MACF1: variants seen among roughly 807,000 people sequenced by gnomAD.
The protein encoded by MACF1 is microtubule actin crosslinking factor 1, also known as microtubule-actin cross-linking factor 1.
Under a neutral mutation model 854.8 loss-of-function variants are expected in MACF1, and 193 were observed. The ratio of observed to expected loss-of-function variants is 0.23; its 90% CI spans 0.20 to 0.25. MACF1 has a LOEUF of 0.25. MACF1 is among the 10% of genes least tolerant of loss of function. MACF1 has a pLI of 1.00. For synonymous variants in MACF1, 3,185 were observed against 3,226.7 expected (o/e 0.99, Z 0.44); for missense variants, 7,722 against 8,929.1 (o/e 0.86, Z 5.45).
intron 85 of MACF1, 122 bp downstream of exon 85, chr1:39,451,333 G>A: frequency 9.8e-7 from 1 of 1,018,132 alleles, no homozygotes; most frequent in Non-Finnish European, 1.4e-6. Context: ...CCTGACAGTT[G>A]CTTTGTGTGT....
At chr1:39,481,747 C>T (rs1055723015) in intron 99 of MACF1, among the ~76,000 whole-genome samples, 1 of 152,162 alleles carries the variant, frequency 6.6e-6, no homozygotes, top group African/African-American at 2.4e-5. Flanking sequence ...GATAGTAGTG[C>T]AGTTTGCATT....
In MACF1 at chr1:39,422,871, G is replaced by C; in HGVS notation, c.16120G>C (p.Val5374Leu). The C allele has an allele frequency of 1.2e-6, 2 of 1,614,208 alleles. No homozygotes were observed. The highest frequency in any genetic ancestry group is 1.3e-5 in the African/African-American group (1 of 75,048). Residue 5374 changes from valine to leucine, a missense_variant, in exon 60 of 101, where the codon GTG becomes CTG. Physicochemically the swap from Val to Leu is conservative, Grantham distance 32 (BLOSUM62 1). Around this residue, in one of 15 missense-constraint regions of MACF1, gnomAD observed 2,807 missense variants for 3,235.8 expected, o/e 0.87. Transcript: ENST00000564288. ...NQKPPSAEYK[V>L]VKAQIQEQKL... ...GAAACCTCCATCTGCTGAGTATAAA[G>C]TGGTGAAAGCACAGATCCAAGAACA...
rs35312351 is a variant in MACF1, at chr1:39,337,562, A to ATTTTTTT, written c.10215+246_10215+252dup. Among the ~76,000 whole-genome samples, 30 of 100,148 alleles carry ATTTTTTT rather than the reference A, an allele frequency of 3.0e-4. 2 individuals carry two copies. The highest frequency in any genetic ancestry group is 7.2e-4 in the South Asian group (2 of 2,768). The allele number at this position is 100,148 out of a possible 152,430, so 65.7% of individuals were successfully genotyped here. A position where few individuals can be genotyped will look rare whatever the true frequency, so the allele number is the denominator to read the frequency against. On this transcript the variant is annotated intron_variant, in intron 38 of 100. Transcript: ENST00000564288. ...TTTGGCTATCAATGTAATTACTACC[A>ATTTTTTT]TTTTTTTTTTTTTTTTTTTTTGAGA...
chr1:39,289,660 T>C (rs1212234807), intron 15 of MACF1, among the ~76,000 whole-genome samples: 1 of 145,828 alleles, frequency 6.9e-6, no homozygotes, highest in Non-Finnish European at 1.5e-5. Flanking sequence ...GATAAGTAGT[T>C]TGCAAACATT....
Position 39,361,634 on chromosome 1 carries a change from A to G in MACF1, c.12728A>G (p.Asn4243Ser), listed in dbSNP as rs1390722387. 2.5e-6 allele frequency: 4 copies of G among 1,614,118 alleles called. No homozygotes were observed. In the African/African-American group the frequency reaches 4.0e-5, roughly 16 times the overall value. Residue 4243 changes from asparagine to serine, a missense_variant, in exon 49 of 101, where the codon AAT (asparagine) becomes AGT (serine). Physicochemically the swap from Asn to Ser is conservative, Grantham distance 46 (BLOSUM62 1). Around this residue, in one of 15 missense-constraint regions of MACF1, gnomAD observed 2,807 missense variants for 3,235.8 expected, o/e 0.87. Transcript: ENST00000564288. ...AAAAGTCGGATGCTGGCCTCTGGAA[A>G]TCAGCCAGATCAAGATATTACACAT... ...ENKSRMLASG[N>S]QPDQDITHFF... is the part of the protein sequence containing the mutation.
At chr1:39,093,775 C>CGGT in intron 2 of MACF1, among the ~76,000 whole-genome samples, 1 of 149,708 alleles carries the variant, frequency 6.7e-6, no homozygotes, top group South Asian at 2.1e-4. Flanking sequence ...TGAGCCATCA[C>CGGT]GCCCGGCCAA....
chr1:39,321,549 A>T (rs1646516255), intron 31 of MACF1, among the ~76,000 whole-genome samples: 1 of 152,240 alleles, frequency 6.6e-6, no homozygotes, highest in Non-Finnish European at 1.5e-5. Context: ...ACTTGATTAT[A>T]TGAGGAAATA....
Position 39,340,969 on chromosome 1 carries a change from T to A in MACF1, c.10581+16T>A. ...ACAGTATGAGGTAAACTCAAGCACA[T>A]TTTCTTTGTCCTTTGAGTTGTATCA... On this transcript the variant is annotated intron_variant, in intron 40 of 100. Transcript: ENST00000564288. 15 of 1,580,814 alleles carry A rather than the reference T, an allele frequency of 9.5e-6. No individual in the cohort carries two copies. The highest frequency in any genetic ancestry group is 1.3e-5 in the Non-Finnish European group (15 of 1,164,356).
At chr1:39,319,857 C>T in intron 31 of MACF1, 110 bp downstream of exon 31, 3 of 736,582 alleles carry the variant, frequency 4.1e-6, no homozygotes, top group Non-Finnish European at 6.7e-6. Context: ...TCTTATGCTA[C>T]AAGCTGGCCT....
chr1:39,389,868 C>T (rs1018936195), intron 58 of MACF1, among the ~76,000 whole-genome samples: 3 of 152,132 alleles, frequency 2.0e-5, no homozygotes, highest in Admixed American at 6.5e-5. Flanking sequence ...CTTAATAATA[C>T]ATCCCAGACT....
At chr1:39,274,800 A>G (rs572879830) in intron 6 of MACF1, among the ~76,000 whole-genome samples, 2 of 152,332 alleles carry the variant, frequency 1.3e-5, no homozygotes, top group East Asian at 1.9e-4. Context: ...CTGTGCTACA[A>G]TTTCCTTATT....
At chr1:39,108,887 CATCT>C (rs1288563403) in intron 2 of MACF1, among the ~76,000 whole-genome samples, 1 of 152,186 alleles carries the variant, frequency 6.6e-6, no homozygotes, top group Non-Finnish European at 1.5e-5. Context: ...ACATTGGTAA[CATCT>C]ATCTGGTACT....
intron 61 of MACF1, among the ~76,000 whole-genome samples, 191 bp from the exon 62 acceptor site, chr1:39,427,264 A>T (rs189525639): frequency 6.6e-6 from 1 of 152,220 alleles, no homozygotes; most frequent in Non-Finnish European, 1.5e-5. Flanking sequence ...TTACAAGGTT[A>T]TGACAGAATG....
chr1:39,484,331 AT>A (rs11366304), intron 99 of MACF1, among the ~76,000 whole-genome samples: 89,539 of 149,146 alleles, frequency 0.6, 28,513 homozygotes, highest in East Asian at 0.85. Context: ...CTTACTGAGG[AT>A]TTTTTTTTTT....
chr1:39,418,316 A>G (rs926503746), intron 58 of MACF1, among the ~76,000 whole-genome samples: 1 of 152,102 alleles, frequency 6.6e-6, no homozygotes, highest in Non-Finnish European at 1.5e-5. Flanking sequence ...TTGCATGGAG[A>G]TATTAAAAAA....
chr1:39,356,712 G>T (rs2148511044), intron 44 of MACF1, among the ~76,000 whole-genome samples: 2 of 152,278 alleles, frequency 1.3e-5, no homozygotes, highest in African/African-American at 4.8e-5. Context: ...GATTTATTCA[G>T]CTACCCTTCC....
In MACF1 at chr1:39,451,134, G is replaced by T. The variant is rs757272900; in HGVS notation, c.20341G>T (p.Val6781Leu). The change falls in exon 85 of 101, where the codon GTG becomes TTG. Residue 6781 changes from valine to leucine, a missense_variant. By Grantham distance (32) the Val-to-Leu change is conservative (BLOSUM62 1). Transcript: ENST00000564288. ...GGCATTGGTTGACTGGTTATACAAG[G>T]TGGAGCCACAGCTGGCTGAGGACCA... ...LQALVDWLYK[V>L]EPQLAEDQPV... is the part of the protein sequence containing the mutation. 6.2e-7 allele frequency: 1 copy of T among 1,614,184 alleles called. No homozygotes were observed. The highest frequency in any genetic ancestry group is 1.1e-5 in the South Asian group (1 of 91,088).
chr1:39,265,498 C>A (rs1645220595), intron 6 of MACF1, among the ~76,000 whole-genome samples: 1 of 152,144 alleles, frequency 6.6e-6, no homozygotes, highest in South Asian at 2.1e-4. Context: ...ATCTGATATA[C>A]CTACTGAAAA....
At chr1:39,477,408 A>C (rs1438137981) in intron 97 of MACF1, among the ~76,000 whole-genome samples, 3 of 151,910 alleles carry the variant, frequency 2.0e-5, no homozygotes, top group Admixed American at 6.6e-5. Context: ...AATTTTTTGC[A>C]GAGATGGAGT....
Sources: allele counts gnomAD v4.1 joint callset (sites outside exome capture counted in the v4.1 genomes callset), GRCh38; gene constraint gnomAD v4.1.1; regional missense constraint gnomAD v4.1.1; transcripts MANE v1.5; gene names NCBI Gene and HGNC (gene_info 2026-07-23, HGNC 2026-07-21).